The following ADAM18 variants were observed in gnomAD, a reference collection of about 807,000 sequenced individuals.
ADAM18 encodes ADAM metallopeptidase domain 18.
In ADAM18, 117 loss-of-function variants were observed where a neutral mutation model predicts 94.4. That is an observed-to-expected ratio of 1.24 (90% CI 1.07 to 1.45). The LOEUF (loss-of-function observed/expected upper bound fraction) is 1.45. Among genes scored for constraint, ADAM18 ranks in the 40% most tolerant of loss-of-function variants. The probability of loss-of-function intolerance (pLI) is 0.00; values close to 1 mark genes in which losing one functional copy is unlikely to be tolerated. For synonymous variants in ADAM18, 327 were observed against 291.6 expected (o/e 1.12, Z -1.24); for missense variants, 936 against 880.0 (o/e 1.06, Z -0.81).
rs550172180 is a variant in ADAM18 at position 39,606,371 on chromosome 8, T to C, written c.188+9T>C. ...CTACATCTCGGAAAACAGTAAGATA[T>C]GATTTTTTTTTCATTAAGGAAAAGG... On this transcript the variant is annotated intron_variant, in intron 3 of 19. Coordinates refer to ENST00000265707, the MANE Select transcript of ADAM18 (RefSeq NM_014237.3). 4 of 1,529,048 alleles carry C rather than the reference T, an allele frequency of 2.6e-6. No individual in the cohort carries two copies. The highest frequency in any genetic ancestry group is 1.2e-5 in the South Asian group (1 of 81,580). 94.7% of individuals were successfully genotyped at this position (1,529,048 alleles called of 1,614,324 possible).
intron 18 of ADAM18, among the ~76,000 whole-genome samples, chr8:39,712,884 A>G (rs1426369094): frequency 6.6e-6 from 1 of 152,228 alleles, no homozygotes; most frequent in Non-Finnish European, 1.5e-5. Context: ...TTGTAGATTC[A>G]ATGCCATCCC....
chr8:39,715,530 C>T (rs1257199439), intron 18 of ADAM18, among the ~76,000 whole-genome samples: 2 of 149,244 alleles, frequency 1.3e-5, no homozygotes, highest in African/African-American at 4.9e-5. Flanking sequence ...TCTTTGAAAA[C>T]ATCAGTTACA....
At chr8:39,652,708 C>T (rs1335278684) in intron 12 of ADAM18, among the ~76,000 whole-genome samples, 1 of 152,162 alleles carries the variant, frequency 6.6e-6, no homozygotes, top group Non-Finnish European at 1.5e-5. Flanking sequence ...GAAACAATAG[C>T]AGTATGTTGA....
chr8:39,600,145 A>T (rs1396903376), intron 2 of ADAM18, among the ~76,000 whole-genome samples: 2 of 152,040 alleles, frequency 1.3e-5, no homozygotes, highest in Non-Finnish European at 2.9e-5. Flanking sequence ...AAATTTGTAA[A>T]TTTTTTTAAA....
intron 6 of ADAM18, among the ~76,000 whole-genome samples, chr8:39,627,729 A>G (rs1346939822): frequency 6.6e-6 from 1 of 152,046 alleles, no homozygotes; most frequent in Non-Finnish European, 1.5e-5. Context: ...ATTAATATTG[A>G]GATGTGAGAT....
chr8:39,671,660 C>G (rs770952789), intron 14 of ADAM18, among the ~76,000 whole-genome samples: 98 of 152,232 alleles, frequency 6.4e-4, no homozygotes, highest in Non-Finnish European at 1.2e-3. Context: ...TTCTTTGAGT[C>G]TATTGAACCT....
rs370347997 is a variant in ADAM18 at position 39,667,950 on chromosome 8, A to G, written c.1327-48A>G. 3.9e-6 allele frequency: 6 copies of G among 1,552,536 alleles called. No individual in the cohort carries two copies. In the African/African-American group the frequency reaches 5.4e-5, roughly 14 times the overall value. On this transcript the variant is annotated intron_variant, in intron 13 of 19. Transcript: ENST00000265707. ...GATAAATCTTTTCACTAAGCAATTG[A>G]GAAAAATGATTTACAGAACTTAATT...
chr8:39,701,814 T>A (rs1313855351), intron 17 of ADAM18, among the ~76,000 whole-genome samples: 1 of 152,200 alleles, frequency 6.6e-6, no homozygotes, highest in Non-Finnish European at 1.5e-5. Context: ...GCAAAGGACA[T>A]GATCTCATAC....
intron 2 of ADAM18, among the ~76,000 whole-genome samples, chr8:39,599,786 A>T (rs796447267): frequency 6.6e-6 from 1 of 152,096 alleles, no homozygotes; most frequent in Non-Finnish European, 1.5e-5. Context: ...CATATTATTA[A>T]ATTCACGCAT....
intron 2 of ADAM18, among the ~76,000 whole-genome samples, chr8:39,600,058 G>T (rs1376129605): frequency 3.3e-5 from 5 of 152,154 alleles, no homozygotes; most frequent in African/African-American, 1.2e-4. Flanking sequence ...ATTAGCTGTA[G>T]ATTTTGTTCA....
chr8:39,677,308 A>G, intron 14 of ADAM18, 123 bp from the exon 15 acceptor site: 2 of 746,460 alleles, frequency 2.7e-6, no homozygotes, highest in Non-Finnish European at 4.3e-6. Context: ...GGGTATGCAT[A>G]GAAACAAAAG....
intron 14 of ADAM18, among the ~76,000 whole-genome samples, chr8:39,669,920 C>A (rs1821106871): frequency 6.6e-6 from 1 of 152,198 alleles, no homozygotes; most frequent in African/African-American, 2.4e-5. Flanking sequence ...AACTAGTTTA[C>A]AGTCCCACCA....
intron 9 of ADAM18, among the ~76,000 whole-genome samples, chr8:39,638,083 T>A (rs1272539871): frequency 6.6e-6 from 1 of 151,900 alleles, no homozygotes. Context: ...GATTTGGGTT[T>A]TTTTTAATAT....
intron 18 of ADAM18, among the ~76,000 whole-genome samples, chr8:39,719,716 G>A (rs765839198): frequency 6.6e-6 from 1 of 151,420 alleles, no homozygotes. Flanking sequence ...ACAAATAGAT[G>A]CTACTCATTC....
intron 13 of ADAM18, among the ~76,000 whole-genome samples, chr8:39,666,245 T>C (rs1379008985): frequency 6.6e-6 from 1 of 152,010 alleles, no homozygotes. Context: ...CCACCATGTT[T>C]CCCAGGCTGT....
intron 18 of ADAM18, among the ~76,000 whole-genome samples, chr8:39,717,881 C>A (rs1484227070): frequency 6.6e-6 from 1 of 151,182 alleles, no homozygotes; most frequent in East Asian, 1.9e-4. Context: ...TGAAAACAAA[C>A]AAAGAACAAA....
chr8:39,626,389 G>T (rs1027933082), intron 6 of ADAM18, among the ~76,000 whole-genome samples: 2 of 151,450 alleles, frequency 1.3e-5, no homozygotes, highest in Admixed American at 1.3e-4. Context: ...TAATATTTTT[G>T]TTTCAATTTC....
chr8:39,596,199 C>T (rs182920729), intron 2 of ADAM18, among the ~76,000 whole-genome samples: 12 of 152,284 alleles, frequency 7.9e-5, no homozygotes, highest in Non-Finnish European at 8.8e-5. Flanking sequence ...GACACATCAT[C>T]ACTCAAAATT....
At chr8:39,679,387 AG>A in intron 15 of ADAM18, among the ~76,000 whole-genome samples, 1 of 152,344 alleles carries the variant, frequency 6.6e-6, no homozygotes, top group East Asian at 1.9e-4. Flanking sequence ...AAATACTCTT[AG>A]CCTCATAGAG....
Sources: gnomAD v4.1 joint callset for allele counts (sites outside exome capture counted in the v4.1 genomes callset) on GRCh38, gnomAD v4.1.1 for gene constraint, MANE v1.5 for transcripts, NCBI Gene and HGNC (gene_info 2026-07-23, HGNC 2026-07-21) for gene names.